Variants in NCOA7 observed in about 807,000 individuals in gnomAD.
NCOA7 encodes nuclear receptor coactivator 7.
NCOA7 carries 45 observed loss-of-function variants against 104.3 expected under a neutral mutation model. The observed-to-expected ratio is 0.43, with a 90% CI of 0.34 to 0.55. The LOEUF (loss-of-function observed/expected upper bound fraction) is 0.55. NCOA7 is among the 20% of genes least tolerant of loss of function. The pLI, the probability that NCOA7 is intolerant of heterozygous loss-of-function variation, is 0.02. For missense variants in NCOA7, 1,041 were observed against 1,119.7 expected, an observed-to-expected ratio of 0.93 and a Z score of 1.00; for synonymous variants, 398 against 402.3, an observed-to-expected ratio of 0.99 and a Z score of 0.13.
intron 3 of NCOA7, among the ~76,000 whole-genome samples, chr6:125,859,980 G>T (rs1214359652): frequency 2.0e-5 from 3 of 152,130 alleles, no homozygotes; most frequent in Non-Finnish European, 4.4e-5. Context: ...TGAGAGGGAA[G>T]TAGGAGAAAG....
At chr6:125,861,162 T>C (rs1039972044) in intron 3 of NCOA7, among the ~76,000 whole-genome samples, 1 of 152,206 alleles carries the variant, frequency 6.6e-6, no homozygotes, top group Non-Finnish European at 1.5e-5. Flanking sequence ...AAAAAATAAA[T>C]GAAATCCTCT....
Position 125,915,538 on chromosome 6 carries a change from G to C in NCOA7, c.2244+58G>C, listed in dbSNP as rs114379602. 6.2e-3 allele frequency: 9,830 copies of C among 1,596,116 alleles called. 260 individuals carry two copies. In the African/African-American group the frequency reaches 0.076, roughly 12 times the overall value. On this transcript the variant is annotated intron_variant, in intron 11 of 15. Coordinates refer to ENST00000392477, the MANE Select transcript of NCOA7 (RefSeq NM_181782.5). Reference sequence around the variant, plus strand: ...TTCCTAAGGTACAGTAAGCAGTCTCGCATTCAGATTCCATGTAACAGGCTG... The same window carrying C: ...TTCCTAAGGTACAGTAAGCAGTCTCCCATTCAGATTCCATGTAACAGGCTG...
At chr6:125,837,941 A>G (rs1779767560) in intron 2 of NCOA7, among the ~76,000 whole-genome samples, 2 of 152,200 alleles carry the variant, frequency 1.3e-5, no homozygotes, top group Admixed American at 1.3e-4. Context: ...GTCGGTGTTA[A>G]AAAGGGACTC....
At chr6:125,804,340 G>A (rs1776210163) in intron 1 of NCOA7, among the ~76,000 whole-genome samples, 1 of 152,176 alleles carries the variant, frequency 6.6e-6, no homozygotes, top group Non-Finnish European at 1.5e-5. Context: ...ATGATCTGAA[G>A]TGATCTTCTG....
At chr6:125,892,929 TG>T (rs1276904736) in intron 10 of NCOA7, among the ~76,000 whole-genome samples, 1 of 152,220 alleles carries the variant, frequency 6.6e-6, no homozygotes, top group Non-Finnish European at 1.5e-5. Context: ...TGTGTTTCCA[TG>T]TCTACCTCCC....
At chr6:125,842,019 T>C (rs1780218628) in intron 2 of NCOA7, among the ~76,000 whole-genome samples, 1 of 151,530 alleles carries the variant, frequency 6.6e-6, no homozygotes, top group Non-Finnish European at 1.5e-5. Context: ...AAAAGCAATG[T>C]CAGATTAATA....
intron 2 of NCOA7, among the ~76,000 whole-genome samples, chr6:125,849,252 T>C (rs925521680): frequency 6.6e-6 from 1 of 152,162 alleles, no homozygotes; most frequent in East Asian, 1.9e-4. Flanking sequence ...AACTCTGGGC[T>C]GGAACACTAG....
chr6:125,810,698 T>A (rs1000612875), intron 1 of NCOA7, among the ~76,000 whole-genome samples: 2 of 152,246 alleles, frequency 1.3e-5, no homozygotes, highest in Non-Finnish European at 2.9e-5. Flanking sequence ...TGTGGTGTTC[T>A]GTGCAAATCA....
chr6:125,921,099 G>C (rs769898936), intron 12 of NCOA7, 31 bp downstream of exon 12: 13 of 1,603,100 alleles, frequency 8.1e-6, no homozygotes, highest in Non-Finnish European at 1.1e-5. Flanking sequence ...AAGGGTGGGG[G>C]TTCCTAGGCT....
chr6:125,860,083 A>T (rs1373160639), intron 3 of NCOA7, among the ~76,000 whole-genome samples: 1 of 152,182 alleles, frequency 6.6e-6, no homozygotes, highest in Non-Finnish European at 1.5e-5. Context: ...CATCAAAAAA[A>T]CCTTCCAGAA....
chr6:125,809,054 C>T (rs550490782), intron 1 of NCOA7, among the ~76,000 whole-genome samples: 1 of 152,368 alleles, frequency 6.6e-6, no homozygotes. Flanking sequence ...CCTTGATCAT[C>T]ACCTTGCTTC....
At chr6:125,887,306 A>G (rs574715165) in intron 8 of NCOA7, among the ~76,000 whole-genome samples, 91 of 152,304 alleles carry the variant, frequency 6.0e-4, no homozygotes, top group South Asian at 3.9e-3. Context: ...TGCCAAATTC[A>G]GTTTTGAGTT....
chr6:125,845,467 T>C (rs1780521058), intron 2 of NCOA7, among the ~76,000 whole-genome samples: 1 of 152,172 alleles, frequency 6.6e-6, no homozygotes, highest in Non-Finnish European at 1.5e-5. Flanking sequence ...CACCACCACA[T>C]TACATACCTA....
At chr6:125,888,103 T>TG (rs1483299829) in intron 8 of NCOA7, among the ~76,000 whole-genome samples, 1 of 152,168 alleles carries the variant, frequency 6.6e-6, no homozygotes, top group Non-Finnish European at 1.5e-5. Flanking sequence ...AATTCCGATC[T>TG]GGGAAGTAAA....
At chr6:125,886,165 A>G (rs749629180) in intron 8 of NCOA7, among the ~76,000 whole-genome samples, 12 of 56,792 alleles carry the variant, frequency 2.1e-4, no homozygotes, top group African/African-American at 4.4e-4. Flanking sequence ...GGCTTATATG[A>G]AAAAAAAAAA....
chr6:125,830,747 GTGTGTGTGTGTGTA>G (rs1447153399), intron 2 of NCOA7, among the ~76,000 whole-genome samples: 20 of 148,410 alleles, frequency 1.3e-4, no homozygotes, highest in South Asian at 2.1e-4. Flanking sequence ...ATGTGTGTGT[GTGTGTGTGTGTGTA>G]TGTGTGTGTG....
rs779294205 is a variant in NCOA7, at chr6:125,881,210, A to T, written c.573+7A>T. 1 of 1,571,902 alleles carries T rather than the reference A, an allele frequency of 6.4e-7. No homozygotes were observed. Among genetic ancestry groups the T allele is most frequent in the Non-Finnish European group, 8.8e-7 (1 of 1,141,864 alleles). ...AGAATATGATAAATTGCCTGTATGT[A>T]TATTATGCACTGAAGTTCATTTTTA... On this transcript the variant is annotated splice_region_variant and intron_variant, in intron 6 of 15. Transcript: ENST00000392477.
At chr6:125,841,504 TG>T (rs1051940233) in intron 2 of NCOA7, among the ~76,000 whole-genome samples, 2 of 152,148 alleles carry the variant, frequency 1.3e-5, no homozygotes, top group Non-Finnish European at 2.9e-5. Context: ...ACTGGTAACT[TG>T]AGAGGTGGCC....
chr6:125,849,599 A>G (rs774538334), intron 2 of NCOA7, among the ~76,000 whole-genome samples: 2 of 152,234 alleles, frequency 1.3e-5, no homozygotes, highest in Non-Finnish European at 2.9e-5. Flanking sequence ...TAATAAAAGA[A>G]GAAAAATATA....
Sources: gnomAD v4.1 joint callset for allele counts (sites outside exome capture counted in the v4.1 genomes callset) on GRCh38, gnomAD v4.1.1 for gene constraint, MANE v1.5 for transcripts, NCBI Gene and HGNC (gene_info 2026-07-23, HGNC 2026-07-21) for gene names.